SPATA17: variants seen among roughly 807,000 people sequenced by gnomAD.
SPATA17 encodes spermatogenesis associated 17, also known as spermatogenesis-associated protein 17.
A neutral mutation model predicts 62.2 loss-of-function variants in SPATA17; 53 were observed. That is an observed-to-expected ratio of 0.85 (90% CI 0.68 to 1.07). The LOEUF is 1.07. SPATA17 is among the 50% of genes least tolerant of loss of function. The probability of loss-of-function intolerance (pLI) is 0.00; values close to 1 mark genes in which losing one functional copy is unlikely to be tolerated. For missense variants in SPATA17, 466 were observed against 425.5 expected (o/e 1.10, Z -0.84); for synonymous variants, 146 against 146.8 (o/e 0.99, Z 0.04).
At chr1:217,846,825 T>C (rs1411953302) in intron 9 of SPATA17, among the ~76,000 whole-genome samples, 1 of 152,092 alleles carries the variant, frequency 6.6e-6, no homozygotes, top group Non-Finnish European at 1.5e-5. Context: ...CAGGTCAAAG[T>C]TTCTGAAGTG....
intron 9 of SPATA17, among the ~76,000 whole-genome samples, chr1:217,820,884 C>G (rs1366767541): frequency 6.6e-6 from 1 of 152,026 alleles, no homozygotes; most frequent in Admixed American, 6.6e-5. Context: ...GCTCATAGTT[C>G]TGTAGGCTGC....
At chr1:217,764,286 T>C (rs900705354) in intron 6 of SPATA17, among the ~76,000 whole-genome samples, 1 of 152,230 alleles carries the variant, frequency 6.6e-6, no homozygotes, top group African/African-American at 2.4e-5. Context: ...ATCCTTTTAC[T>C]ATCTGTCTCC....
At position 217,791,998 on chromosome 1, in the gene SPATA17, G is replaced by A. The variant is rs574336004; in HGVS notation, c.872+9676G>A. On this transcript the variant is annotated intron_variant, in intron 8 of 10. Coordinates refer to ENST00000366933, the MANE Select transcript of SPATA17 (RefSeq NM_138796.4). ...GTGTCCAGTTTTTTGGCTTCCCTGG[G>A]CCACACTGGAAGAAGAAGAAGAATT... Among the ~76,000 whole-genome samples the A allele has an allele frequency of 3.3e-5, 5 of 152,152 alleles. No individual in the cohort carries two copies. The South Asian group carries it at 6.2e-4, about 19-fold the overall frequency.
At chr1:217,843,720 T>C (rs1300893450) in intron 9 of SPATA17, among the ~76,000 whole-genome samples, 2 of 152,146 alleles carry the variant, frequency 1.3e-5, no homozygotes, top group Non-Finnish European at 2.9e-5. Flanking sequence ...CCATAGATTA[T>C]ACATAAATAA....
intron 8 of SPATA17, among the ~76,000 whole-genome samples, chr1:217,795,220 G>A (rs1474240104): frequency 6.6e-6 from 1 of 152,090 alleles, no homozygotes; most frequent in Non-Finnish European, 1.5e-5. Context: ...TTTATTTGAT[G>A]TGACTATCAA....
chr1:217,839,550 G>A (rs1316414868), intron 9 of SPATA17, among the ~76,000 whole-genome samples: 1 of 151,682 alleles, frequency 6.6e-6, no homozygotes, highest in African/African-American at 2.4e-5. Flanking sequence ...TACAGTCTCG[G>A]GACAGGACTT....
At chr1:217,644,909 T>G (rs1670145958) in intron 1 of SPATA17, among the ~76,000 whole-genome samples, 1 of 152,134 alleles carries the variant, frequency 6.6e-6, no homozygotes. Flanking sequence ...CTATAGGATT[T>G]TCATTGTAAT....
intron 4 of SPATA17, 35 bp downstream of exon 4, chr1:217,669,118 G>A: frequency 6.3e-7 from 1 of 1,579,894 alleles, no homozygotes; most frequent in Non-Finnish European, 8.7e-7. Flanking sequence ...CAAATGAAAA[G>A]TCAATTGTGC....
intron 9 of SPATA17, 85 bp from the exon 10 acceptor site, chr1:217,862,689 C>T: frequency 1.0e-6 from 1 of 971,992 alleles, no homozygotes; most frequent in African/African-American, 1.7e-5. Flanking sequence ...ATCTGTCTAG[C>T]AATTTAATCT....
At chr1:217,837,784 T>G (rs1187369738) in intron 9 of SPATA17, among the ~76,000 whole-genome samples, 1 of 152,154 alleles carries the variant, frequency 6.6e-6, no homozygotes, top group Non-Finnish European at 1.5e-5. Flanking sequence ...GCACATTTAT[T>G]AAGAAAGAAG....
chr1:217,714,069 A>C (rs1167069954), intron 5 of SPATA17, among the ~76,000 whole-genome samples: 1 of 152,178 alleles, frequency 6.6e-6, no homozygotes. Flanking sequence ...GCCTAAAGGA[A>C]GACATGATAT....
At chr1:217,715,618 G>A (rs1671982964) in intron 5 of SPATA17, among the ~76,000 whole-genome samples, 1 of 150,092 alleles carries the variant, frequency 6.7e-6, no homozygotes, top group Admixed American at 6.6e-5. Flanking sequence ...TGTGTGCTTA[G>A]TTTCCTTGAT....
At chr1:217,837,602 C>T (rs1005988464) in intron 9 of SPATA17, among the ~76,000 whole-genome samples, 3 of 151,916 alleles carry the variant, frequency 2.0e-5, no homozygotes, top group Non-Finnish European at 2.9e-5. Flanking sequence ...TACAGCTTTG[C>T]TCTGGGAATT....
intron 6 of SPATA17, among the ~76,000 whole-genome samples, chr1:217,753,609 A>G (rs1290320041): frequency 2.6e-5 from 4 of 151,756 alleles, no homozygotes; most frequent in Non-Finnish European, 5.9e-5. Context: ...TATATTTTGT[A>G]TATGTATATA....
intron 3 of SPATA17, among the ~76,000 whole-genome samples, chr1:217,651,654 A>G (rs991769808): frequency 5.0e-4 from 76 of 152,206 alleles, no homozygotes; most frequent in African/African-American, 1.8e-3. Flanking sequence ...ATTTTGTTTC[A>G]TAGGTATAAA....
chr1:217,740,650 C>G (rs1177178622), intron 5 of SPATA17, among the ~76,000 whole-genome samples: 1 of 152,094 alleles, frequency 6.6e-6, no homozygotes, highest in Non-Finnish European at 1.5e-5. Flanking sequence ...TAATAATAGC[C>G]TTGAGATGCA....
Position 217,683,255 on chromosome 1 carries a change from T to C in SPATA17, c.292-3T>C. 6.3e-7 allele frequency: 1 copy of C among 1,584,184 alleles called. No homozygotes were observed. The highest frequency in any genetic ancestry group is 1.1e-5 in the South Asian group (1 of 87,104). On this transcript the variant is annotated splice_region_variant and splice_polypyrimidine_tract_variant and intron_variant, in intron 4 of 10. Transcript: ENST00000366933. ...TATTTTATCTCTTTATTTACTTTAA[T>C]AGATTCAGAGACGATGGCGAGGCTA...
At chr1:217,705,008 T>C (rs1018609420) in intron 5 of SPATA17, among the ~76,000 whole-genome samples, 1 of 152,214 alleles carries the variant, frequency 6.6e-6, no homozygotes, top group Admixed American at 6.5e-5. Context: ...TCAACTAATT[T>C]ACATTCCCAC....
At chr1:217,671,840 T>G (rs766543959) in intron 4 of SPATA17, among the ~76,000 whole-genome samples, 3 of 152,222 alleles carry the variant, frequency 2.0e-5, no homozygotes, top group Non-Finnish European at 4.4e-5. Context: ...AAATTTATAA[T>G]AGAGACATTT....
Sources: gnomAD v4.1 joint callset for allele counts (sites outside exome capture counted in the v4.1 genomes callset) on GRCh38, gnomAD v4.1.1 for gene constraint, MANE v1.5 for transcripts, NCBI Gene and HGNC (gene_info 2026-07-23, HGNC 2026-07-21) for gene names.